The following LSP1 variants were observed in gnomAD, a reference collection of about 807,000 sequenced individuals.
LSP1 encodes lymphocyte-specific protein 1.
In LSP1, 32 loss-of-function variants were observed where a neutral mutation model predicts 49.3. The ratio of observed to expected loss-of-function variants is 0.65; its 90% CI spans 0.49 to 0.87. LSP1 has a LOEUF of 0.87. Ranked by LOEUF, LSP1 falls within the 40% of genes least tolerant of loss-of-function variation. The pLI is 0.00. For missense variants in LSP1, 428 were observed against 442.6 expected (o/e 0.97, Z 0.30); for synonymous variants, 179 against 178.8 (o/e 1.00, Z -0.01).
intron 1 of LSP1, chr11:1,871,133 C>G: frequency 1.0e-6 from 1 of 985,526 alleles, no homozygotes; most frequent in Non-Finnish European, 1.2e-6. Context: ...GCTCGTGGCA[C>G]GGGCTCGGCA....
chr11:1,890,824 C>A (rs1158269975), intron 10 of LSP1: 29 of 571,128 alleles, frequency 5.1e-5, no homozygotes, highest in Non-Finnish European at 8.4e-5. Flanking sequence ...GAGGCCGAGT[C>A]CCTCCAGGGA....
rs1329148150 is a variant in LSP1, at chr11:1,865,185, T to A, written c.53+11988T>A. On this transcript the variant is annotated intron_variant, in intron 1 of 10. Transcript: ENST00000311604. ...GCTGGGGTCAGGCCAGGTCGCCGCC[T>A]GAGCAGAGGCTGCAGCCTGGGCAGT... is the stretch of plus-strand genomic sequence containing the variant. 6 of 985,772 alleles carry A rather than the reference T, an allele frequency of 6.1e-6. No individual in the cohort carries two copies. The South Asian group carries it at 2.3e-4, about 38-fold the overall frequency. The allele number at this position is 985,772 out of a possible 1,614,324, so 61.1% of individuals were successfully genotyped here. A position where few individuals can be genotyped will look rare whatever the true frequency, so the allele number is the denominator to read the frequency against.
intron 1 of LSP1, among the ~76,000 whole-genome samples, chr11:1,878,197 T>G (rs537971139): frequency 9.7e-4 from 148 of 152,140 alleles, no homozygotes; most frequent in African/African-American, 3.5e-3. Flanking sequence ...TTCCCCTCCA[T>G]GGAACCCCTC....
At chr11:1,876,332 C>A (rs1284897291) in intron 1 of LSP1, 4 of 424,190 alleles carry the variant, frequency 9.4e-6, no homozygotes, top group African/African-American at 2.2e-5. Flanking sequence ...GTGCAGGGAG[C>A]CCCGAACCAC....
intron 1 of LSP1, among the ~76,000 whole-genome samples, chr11:1,861,986 GGTGA>G (rs1847651943): frequency 6.7e-6 from 1 of 148,770 alleles, no homozygotes; most frequent in African/African-American, 2.6e-5. Flanking sequence ...TAGATGGATG[GGTGA>G]ATGGATGGGT....
chr11:1,863,611 C>G (rs1340526366), intron 1 of LSP1: 1 of 152,330 alleles, frequency 6.6e-6, no homozygotes, highest in Non-Finnish European at 1.5e-5. Context: ...GGAGCTGACC[C>G]TCGGTGAGCC....
rs565404860 is a variant in LSP1 at position 1,889,967 on chromosome 11, G to A, written c.*14-1806G>A. 5 of 632,788 alleles carry A rather than the reference G, an allele frequency of 7.9e-6. No homozygotes were observed. In the East Asian group the frequency reaches 1.4e-4, roughly 17 times the overall value. 39.2% of individuals were successfully genotyped at this position (632,788 alleles called of 1,614,324 possible). On this transcript the variant is annotated intron_variant, in intron 10 of 10. Coordinates refer to ENST00000311604, the MANE Select transcript of LSP1 (RefSeq NM_002339.3). Reference sequence around the variant, plus strand: ...TTGGGGTGGCATCTCCATCCTGGCTGTTGGATCCCACTTCTGGGGCTGTCC... The same window carrying A: ...TTGGGGTGGCATCTCCATCCTGGCTATTGGATCCCACTTCTGGGGCTGTCC...
At chr11:1,891,004 GCCCA>G in intron 10 of LSP1, 1 of 168,850 alleles carries the variant, frequency 5.9e-6, no homozygotes, top group East Asian at 1.6e-4. Flanking sequence ...TGCTGGCCAA[GCCCA>G]GGGCTGGAAG....
chr11:1,874,219 TTGGGGACAGTGAGGGCAGGC>T (rs1455619356), intron 1 of LSP1, among the ~76,000 whole-genome samples: 4 of 53,120 alleles, frequency 7.5e-5, no homozygotes, highest in African/African-American at 2.7e-4. Flanking sequence ...GGGGGCAGTG[TTGGGGACAGTGAGGGCAGGC>T]CGGGGACAGT....
At chr11:1,873,207 T>C (rs548872357) in intron 1 of LSP1, among the ~76,000 whole-genome samples, 1 of 151,762 alleles carries the variant, frequency 6.6e-6, no homozygotes, top group African/African-American at 2.4e-5. Flanking sequence ...GGCGGCTCTG[T>C]CTCCCCTTGG....
chr11:1,865,551 G>A (rs749978536), intron 1 of LSP1, among the ~76,000 whole-genome samples: 13 of 140,188 alleles, frequency 9.3e-5, no homozygotes, highest in East Asian at 2.1e-4. Flanking sequence ...CACCCGCACC[G>A]CCGGCTGCAC....
rs751587239 is a variant in LSP1 at position 1,887,576 on chromosome 11, G to A, written c.*13G>A. The A allele has an allele frequency of 8.1e-6, 13 of 1,611,754 alleles. No individual in the cohort carries two copies. The East Asian group carries it at 8.9e-5, about 11-fold the overall frequency. Reference sequence around the variant, plus strand: ...CCCGGCTCCCTAGGCGTCCCATCTCGGTGAGTCCCTGGCAACTCACAGAAG... The same window carrying A: ...CCCGGCTCCCTAGGCGTCCCATCTCAGTGAGTCCCTGGCAACTCACAGAAG... On this transcript the variant is annotated splice_region_variant and 3_prime_UTR_variant, in exon 10 of 11. Transcript: ENST00000311604.
At chr11:1,871,806 C>T (rs141954049) in intron 1 of LSP1, among the ~76,000 whole-genome samples, 5,767 of 112,280 alleles carry the variant, frequency 0.051, 155 homozygotes, top group African/African-American at 0.077. Context: ...GGGGTCTGTC[C>T]GGCTGGCGTG....
intron 10 of LSP1, chr11:1,890,324 CG>C (rs1565091871): frequency 4.2e-6 from 3 of 711,814 alleles, no homozygotes; most frequent in East Asian, 2.7e-5. Context: ...CGGCGGGGTG[CG>C]GGCCCTCAGC....
intron 1 of LSP1, among the ~76,000 whole-genome samples, chr11:1,877,624 G>C (rs555872578): frequency 2.8e-4 from 42 of 150,568 alleles, no homozygotes; most frequent in African/African-American, 9.8e-4. Flanking sequence ...GCGGCACCCT[G>C]AAGGGATCCC....
At chr11:1,857,542 T>A (rs1172500254) in intron 1 of LSP1, among the ~76,000 whole-genome samples, 1 of 152,142 alleles carries the variant, frequency 6.6e-6, no homozygotes, top group Non-Finnish European at 1.5e-5. Context: ...AGCTCTGCCT[T>A]GCAGTCCCAG....
chr11:1,873,951 C>CGG (rs1848171169), intron 1 of LSP1, among the ~76,000 whole-genome samples: 5 of 121,756 alleles, frequency 4.1e-5, no homozygotes, highest in African/African-American at 1.4e-4. Flanking sequence ...GGGAGGCCGG[C>CGG]AGAGCAGGGA....
chr11:1,873,850 A>AGAGGAGGGAGGCCGGCG (rs1848156621), intron 1 of LSP1, among the ~76,000 whole-genome samples: 2 of 125,154 alleles, frequency 1.6e-5, no homozygotes, highest in African/African-American at 3.1e-5. Context: ...GGAGGCCGGC[A>AGAGGAGGGAGGCCGGCG]GAGGAGGGAG....
At chr11:1,865,381 C>T (rs1022410664) in intron 1 of LSP1, 37 of 290,732 alleles carry the variant, frequency 1.3e-4, no homozygotes, top group Middle Eastern at 1.6e-3. Flanking sequence ...CTGCCCCAAG[C>T]GTGGGCAGCG....
Sources: allele counts gnomAD v4.1 joint callset (sites outside exome capture counted in the v4.1 genomes callset), GRCh38; gene constraint gnomAD v4.1.1; transcripts MANE v1.5; gene names NCBI Gene and HGNC (gene_info 2026-07-23, HGNC 2026-07-21).